The following ABAT variants were observed in gnomAD, a reference collection of about 807,000 sequenced individuals.
ABAT encodes the protein 4-aminobutyrate aminotransferase, mitochondrial.
In ABAT, 45 loss-of-function variants were observed where a neutral mutation model predicts 64.6. The observed-to-expected ratio is 0.70, with a 90% confidence interval of 0.55 to 0.89. ABAT has a LOEUF of 0.89. ABAT is among the 40% of genes least tolerant of loss of function. ABAT has a pLI of 0.00. For synonymous variants in ABAT, 297 were observed against 250.5 expected, an observed-to-expected ratio of 1.19 and a Z score of -1.75; for missense variants, 633 against 658.4, an observed-to-expected ratio of 0.96 and a Z score of 0.42.
chr16:8,757,434 C>G (rs1446113164), intron 5 of ABAT: 1 of 373,472 alleles, frequency 2.7e-6, no homozygotes, highest in African/African-American at 2.1e-5. Context: ...TCCCGAAGTG[C>G]TGGGATTACA....
chr16:8,746,233 T>C, intron 3 of ABAT, 135 bp downstream of exon 3: 1 of 755,082 alleles, frequency 1.3e-6, no homozygotes, highest in Non-Finnish European at 2.3e-6. Context: ...AGATCTGAGA[T>C]ACTCAATGAG....
intron 1 of ABAT, among the ~76,000 whole-genome samples, chr16:8,697,442 A>G (rs986268923): frequency 4.6e-5 from 7 of 152,134 alleles, no homozygotes; most frequent in African/African-American, 1.7e-4. Flanking sequence ...TGCCACAGTC[A>G]ATTACAAGTG....
chr16:8,781,239 T>C lies in ABAT; in HGVS notation c.1382-70T>C, dbSNP rs557134968. ...GATGAGCGTTGCCAACAGGCATCACTTTCCCCCCAGCTCTCCCAGCATGTG... is the reference window on the plus strand; with the variant it reads ...GATGAGCGTTGCCAACAGGCATCACCTTCCCCCCAGCTCTCCCAGCATGTG... On this transcript the variant is annotated intron_variant, in intron 15 of 15. Coordinates refer to ENST00000268251, the MANE Select transcript of ABAT (RefSeq NM_020686.6). The surrounding 1 kb of genome is among the most constrained non-coding windows in gnomAD (Gnocchi z 4.5). 244 of 1,610,640 alleles carry C rather than the reference T, an allele frequency of 1.5e-4. No individual in the cohort carries two copies. Among genetic ancestry groups the C allele is most frequent in the Non-Finnish European group, 1.9e-4 (227 of 1,178,174 alleles).
intron 6 of ABAT, among the ~76,000 whole-genome samples, chr16:8,759,259 A>T (rs1456394547): frequency 6.6e-6 from 1 of 151,902 alleles, no homozygotes; most frequent in Admixed American, 6.6e-5. Context: ...TTTAGACATT[A>T]TTTTCCTAGT....
chr16:8,683,008 A>T (rs2057370939), intron 1 of ABAT, among the ~76,000 whole-genome samples: 1 of 152,234 alleles, frequency 6.6e-6, no homozygotes, highest in African/African-American at 2.4e-5. Flanking sequence ...AGTTACATTG[A>T]CAGCATCTGT....
intron 6 of ABAT, among the ~76,000 whole-genome samples, chr16:8,758,483 G>A (rs1311400255): frequency 1.3e-5 from 2 of 152,152 alleles, no homozygotes; most frequent in Non-Finnish European, 2.9e-5. Context: ...GGGACCCAAG[G>A]AGGACTGGAG....
intron 11 of ABAT, among the ~76,000 whole-genome samples, chr16:8,769,524 A>G (rs1274284611): frequency 1.4e-5 from 2 of 144,274 alleles, no homozygotes; most frequent in Non-Finnish European, 3.0e-5. Context: ...GCACCACTGC[A>G]CTCCAGCCTG....
intron 2 of ABAT, chr16:8,737,372 C>G (rs7206830): frequency 0.64 from 96,964 of 151,772 alleles, 31,613 homozygotes; most frequent in Non-Finnish European, 0.71. Flanking sequence ...AACTACTCAG[C>G]AGGCTGAGGC....
intron 2 of ABAT, chr16:8,738,397 A>G: frequency 2.2e-6 from 1 of 455,720 alleles, no homozygotes; most frequent in Middle Eastern, 3.3e-4. Flanking sequence ...CCAGACTTTT[A>G]TTTGGCTTTC....
At chr16:8,752,654 C>G (rs773385435) in intron 5 of ABAT, among the ~76,000 whole-genome samples, 7 of 152,118 alleles carry the variant, frequency 4.6e-5, no homozygotes, top group African/African-American at 7.2e-5. Context: ...GTAGTCCCAG[C>G]TACTCTGGAG....
chr16:8,722,442 G>A (rs1251766066), intron 1 of ABAT, among the ~76,000 whole-genome samples: 1 of 152,142 alleles, frequency 6.6e-6, no homozygotes, highest in Admixed American at 6.6e-5. Flanking sequence ...ACCACACCTG[G>A]CCAGAAGGTA....
chr16:8,759,108 T>A lies in ABAT; in HGVS notation c.366+1302T>A, dbSNP rs146591906. 3.6e-3 allele frequency among the ~76,000 whole-genome samples: 544 copies of A among 151,408 alleles called. 1 individual carries two copies. Among genetic ancestry groups the A allele is most frequent in the African/African-American group, 0.012 (505 of 41,298 alleles). On this transcript the variant is annotated intron_variant, in intron 6 of 15. Coordinates refer to ENST00000268251, the MANE Select transcript of ABAT (RefSeq NM_020686.6). Reference sequence around the variant, plus strand: ...CAGAGGGAGACTTTATCCCAAAAAATAATAATAATAATAATAATAAATAAA... The same window carrying A: ...CAGAGGGAGACTTTATCCCAAAAAAAAATAATAATAATAATAATAAATAAA...
chr16:8,698,773 A>G (rs1257382369), intron 1 of ABAT, among the ~76,000 whole-genome samples: 2 of 151,330 alleles, frequency 1.3e-5, no homozygotes, highest in Admixed American at 6.6e-5. Flanking sequence ...GATGAAACCC[A>G]TCTCTACAAA....
Position 8,776,503 on chromosome 16 carries a change from C to CCCCTG in ABAT, c.1269+17_1269+21dup. ...GCTGGACCTCCAGGTAACACCCCCT[C>CCCCTG]CCCTGCCCCGCCCCCACCACCCATG... On this transcript the variant is annotated intron_variant, in intron 14 of 15. Transcript: ENST00000268251. The surrounding 1 kb of genome is among the most constrained non-coding windows in gnomAD (Gnocchi z 4.4). 1 of 1,590,836 alleles carries CCCCTG rather than the reference C, an allele frequency of 6.3e-7. No individual in the cohort carries two copies. The highest frequency in any genetic ancestry group is 8.6e-7 in the Non-Finnish European group (1 of 1,169,300).
intron 1 of ABAT, among the ~76,000 whole-genome samples, chr16:8,716,282 C>G (rs2058214214): frequency 6.6e-6 from 1 of 152,106 alleles, no homozygotes; most frequent in Admixed American, 6.6e-5. Context: ...TCTCTGTGAT[C>G]TGTTTCCTTT....
Position 8,709,400 on chromosome 16 carries a change from G to A in ABAT, c.-41-26299G>A, listed in dbSNP as rs552164276. Among the ~76,000 whole-genome samples the A allele has an allele frequency of 2.0e-3, 306 of 151,100 alleles. 1 individual carries two copies. Among genetic ancestry groups the A allele is most frequent in the South Asian group, 7.9e-3 (38 of 4,808 alleles). ...TTTATTTATTTATTTTTGAGATGGA[G>A]TCTCACTCTGTCGCCCAGGCTGGAC... On this transcript the variant is annotated intron_variant, in intron 1 of 15. Coordinates refer to ENST00000268251, the MANE Select transcript of ABAT (RefSeq NM_020686.6).
intron 9 of ABAT, among the ~76,000 whole-genome samples, chr16:8,767,236 G>A (rs1239198189): frequency 2.0e-5 from 3 of 152,202 alleles, no homozygotes; most frequent in African/African-American, 7.2e-5. Flanking sequence ...ATTTGCTTGG[G>A]GCTGGAAAGG....
chr16:8,764,106 C>T lies in ABAT; in HGVS notation c.404C>T (p.Pro135Leu). 6.2e-7 allele frequency: 1 copy of T among 1,613,716 alleles called. No homozygotes were observed. Among genetic ancestry groups the T allele is most frequent in the Non-Finnish European group, 8.5e-7 (1 of 1,180,018 alleles). Residue 135 changes from proline to leucine, a missense_variant, in exon 7 of 16, where the codon CCT becomes CTT. By Grantham distance (98) the Pro-to-Leu change is moderately conservative (BLOSUM62 -3). Transcript: ENST00000268251. The surrounding 1 kb of genome is among the most constrained non-coding windows in gnomAD (Gnocchi z 4.2). Reference protein sequence around the residue: ...FVNRPALGILPPENFVEKLRQ... With the variant: ...FVNRPALGILLPENFVEKLRQ... Reference sequence around the variant, plus strand: ...AACAGACCCGCCCTCGGAATCCTGCCTCCGGAGAACTTTGTGGAGAAGCTC... The same window carrying T: ...AACAGACCCGCCCTCGGAATCCTGCTTCCGGAGAACTTTGTGGAGAAGCTC...
rs114673924 is a variant in ABAT, at chr16:8,776,736, T to A, written c.1269+246T>A. 0.016 allele frequency among the ~76,000 whole-genome samples: 2,369 copies of A among 152,280 alleles called. 64 individuals carry two copies. Among genetic ancestry groups the A allele is most frequent in the African/African-American group, 0.052 (2,153 of 41,544 alleles). On this transcript the variant is annotated intron_variant, in intron 14 of 15. Coordinates refer to ENST00000268251, the MANE Select transcript of ABAT (RefSeq NM_020686.6). This position sits in a 1 kb window ranked among gnomAD's most constrained non-coding sequence, Gnocchi z 4.4. ...TGGTTTTCTTTGTTGTTGTTTTTTT[T>A]AATTTATTTTTTATTTTTTTAATAT... is the stretch of plus-strand genomic sequence containing the variant.
Sources: allele counts gnomAD v4.1 joint callset (sites outside exome capture counted in the v4.1 genomes callset), GRCh38; gene constraint gnomAD v4.1.1; non-coding constraint Gnocchi (gnomAD v3.1); transcripts MANE v1.5; gene names NCBI Gene and HGNC (gene_info 2026-07-23, HGNC 2026-07-21).